SHLD2: variants seen among roughly 807,000 people sequenced by gnomAD.
SHLD2 encodes the protein RINN1-REV7-interacting novel NHEJ regulator 2.
SHLD2 carries 30 observed loss-of-function variants against 73.2 expected under a neutral mutation model. The observed-to-expected ratio is 0.41, with a 90% CI of 0.31 to 0.56. The LOEUF is 0.56. SHLD2 is among the 20% of genes least tolerant of loss of function. SHLD2 has a pLI of 0.28. For missense variants in SHLD2, 745 were observed against 1,055.9 expected (o/e 0.71, Z 4.08); for synonymous variants, 285 against 370.1 (o/e 0.77, Z 2.64).
Position 87,151,940 on chromosome 10 carries a change from A to G in SHLD2, c.586A>G (p.Arg196Gly). The stretch of plus-strand genomic sequence containing the variant: ...TAATATAGGGCCTGAAGTGGTACAA[A>G]GAGAGTGTGTGCCAACAGAATATCA... ...KINIGPEVVQ[R>G]ECVPTEYHEI... Residue 196 changes from arginine (R) to glycine (G), a missense_variant, in exon 3 of 10, where the codon AGA becomes GGA. Transcript: ENST00000298786. 1 of 1,611,774 alleles carries G rather than the reference A, an allele frequency of 6.2e-7. No individual in the cohort carries two copies. Among genetic ancestry groups the G allele is most frequent in the Non-Finnish European group, 8.5e-7 (1 of 1,179,652 alleles).
intron 8 of SHLD2, among the ~76,000 whole-genome samples, chr10:87,186,540 G>A (rs1412631997): frequency 1.3e-5 from 2 of 152,176 alleles, no homozygotes; most frequent in Non-Finnish European, 2.9e-5. Flanking sequence ...TTAGAAGCAT[G>A]TGGACAGAAG....
chr10:87,173,693 C>T (rs1330838919), intron 6 of SHLD2, among the ~76,000 whole-genome samples: 1 of 149,994 alleles, frequency 6.7e-6, no homozygotes. Context: ...AATCCAGGAA[C>T]AAAAACTATT....
At chr10:87,124,746 GTTTTTTTT>G (rs201784628) in intron 2 of SHLD2, among the ~76,000 whole-genome samples, 2 of 129,504 alleles carry the variant, frequency 1.5e-5, no homozygotes, top group East Asian at 4.7e-4. Flanking sequence ...TAAAAAAATT[GTTTTTTTT>G]TTTTTTTTTG....
chr10:87,155,613 TA>T (rs1564602810), intron 3 of SHLD2, among the ~76,000 whole-genome samples: 1 of 151,698 alleles, frequency 6.6e-6, no homozygotes, highest in Non-Finnish European at 1.5e-5. Context: ...TCCCAGACTG[TA>T]AAAGAGGGCT....
chr10:87,118,245 A>G (rs1247395888), intron 2 of SHLD2, among the ~76,000 whole-genome samples: 1 of 152,120 alleles, frequency 6.6e-6, no homozygotes, highest in African/African-American at 2.4e-5. Flanking sequence ...GCATTTCCCC[A>G]TCTTGTTTGG....
At chr10:87,182,493 A>C (rs1470312633) in intron 8 of SHLD2, among the ~76,000 whole-genome samples, 1 of 152,250 alleles carries the variant, frequency 6.6e-6, no homozygotes, top group Admixed American at 6.5e-5. Context: ...GTCTCATACG[A>C]GGCCACAGAC....
At chr10:87,141,215 A>G (rs1394457378) in intron 2 of SHLD2, among the ~76,000 whole-genome samples, 1 of 152,116 alleles carries the variant, frequency 6.6e-6, no homozygotes, top group Non-Finnish European at 1.5e-5. Context: ...TGGGAGGTTG[A>G]GGCTGCAGTG....
intron 2 of SHLD2, among the ~76,000 whole-genome samples, chr10:87,100,017 C>G (rs1280355406): frequency 6.6e-6 from 1 of 151,886 alleles, no homozygotes; most frequent in East Asian, 1.9e-4. Context: ...ATGTAAGTTC[C>G]TTACCAGATT....
intron 1 of SHLD2, among the ~76,000 whole-genome samples, chr10:87,095,497 A>C (rs989561638): frequency 6.6e-6 from 1 of 152,020 alleles, no homozygotes; most frequent in Admixed American, 6.5e-5. Flanking sequence ...CCGGGCGTGC[A>C]GGGGCTGACA....
intron 6 of SHLD2, among the ~76,000 whole-genome samples, chr10:87,175,345 A>G (rs1288050326): frequency 1.3e-5 from 2 of 151,708 alleles, no homozygotes. Context: ...ATTATAAATG[A>G]TGACCGTTCA....
At chr10:87,143,220 T>G (rs1041005105) in intron 2 of SHLD2, among the ~76,000 whole-genome samples, 1 of 152,110 alleles carries the variant, frequency 6.6e-6, no homozygotes, top group Non-Finnish European at 1.5e-5. Flanking sequence ...ATTACAAGCT[T>G]GAGCCACTAT....
chr10:87,160,727 C>T (rs978044802), intron 4 of SHLD2, among the ~76,000 whole-genome samples: 2 of 151,660 alleles, frequency 1.3e-5, no homozygotes, highest in South Asian at 2.1e-4. Flanking sequence ...CGGTGGCTCA[C>T]GCCTGTAATC....
At chr10:87,168,374 A>G (rs1305492073) in intron 4 of SHLD2, among the ~76,000 whole-genome samples, 2 of 152,170 alleles carry the variant, frequency 1.3e-5, no homozygotes, top group African/African-American at 2.4e-5. Flanking sequence ...AGGCAGGCAG[A>G]TTGCTTGAGT....
chr10:87,145,977 T>C (rs954435516), intron 2 of SHLD2, among the ~76,000 whole-genome samples: 248 of 152,332 alleles, frequency 1.6e-3, no homozygotes, highest in Non-Finnish European at 2.9e-3. Flanking sequence ...ACATATTTTG[T>C]TTCCCCCTGC....
intron 2 of SHLD2, among the ~76,000 whole-genome samples, chr10:87,122,583 A>G (rs1401434781): frequency 1.3e-5 from 2 of 151,922 alleles, no homozygotes; most frequent in Non-Finnish European, 2.9e-5. Context: ...TCCCTTGGAC[A>G]CCCAACACTA....
intron 2 of SHLD2, among the ~76,000 whole-genome samples, chr10:87,112,033 C>G (rs955970336): frequency 6.0e-5 from 9 of 151,168 alleles, no homozygotes; most frequent in Non-Finnish European, 1.3e-4. Flanking sequence ...GTCAGGAGAT[C>G]GAGACCATCC....
chr10:87,117,367 C>T lies in SHLD2; in HGVS notation c.-6+20378C>T, dbSNP rs563000471. On this transcript the variant is annotated intron_variant, in intron 2 of 9. Coordinates refer to ENST00000298786, the MANE Select transcript of SHLD2 (RefSeq NM_001330112.2). ...CTGGGAGGTGGAAGTTTCGGTGAGC[C>T]GAGATTGCACCATTGCACTCCAGCC... is the stretch of plus-strand genomic sequence containing the variant. Among the ~76,000 whole-genome samples the T allele has an allele frequency of 6.1e-4, 92 of 152,038 alleles. 2 individuals carry two copies. Among genetic ancestry groups the T allele is most frequent in the East Asian group, 1.2e-3 (6 of 5,178 alleles).
chr10:87,096,327 G>C (rs1034318395), intron 1 of SHLD2, among the ~76,000 whole-genome samples: 1 of 152,128 alleles, frequency 6.6e-6, no homozygotes, highest in African/African-American at 2.4e-5. Flanking sequence ...TTACAGACGT[G>C]AGCCACCGCG....
At chr10:87,127,409 A>T (rs1456748027) in intron 2 of SHLD2, among the ~76,000 whole-genome samples, 125 of 151,120 alleles carry the variant, frequency 8.3e-4, no homozygotes, top group African/African-American at 2.9e-3. Context: ...GTTTTTAGGT[A>T]CAGTCAGTTC....
Sources: allele counts gnomAD v4.1 joint callset (sites outside exome capture counted in the v4.1 genomes callset), GRCh38; gene constraint gnomAD v4.1.1; transcripts MANE v1.5; gene names NCBI Gene and HGNC (gene_info 2026-07-23, HGNC 2026-07-21).